Variants in SAP25 observed in about 807,000 individuals in gnomAD.
The protein encoded by SAP25 is Sin3A associated protein 25, also known as histone deacetylase complex subunit SAP25.
Under a neutral mutation model 31.5 loss-of-function variants are expected in SAP25, and 24 were observed. The observed-to-expected ratio is 0.76, with a 90% CI of 0.55 to 1.07. The LOEUF (loss-of-function observed/expected upper bound fraction) is 1.07, where lower values mean the gene tolerates loss of function less well. SAP25 is among the 50% of genes least tolerant of loss of function. The pLI, the probability that SAP25 is intolerant of heterozygous loss-of-function variation, is 0.00. For synonymous variants in SAP25, 180 were observed against 186.0 expected (o/e 0.97, Z 0.26); for missense variants, 377 against 418.8 (o/e 0.90, Z 0.87).
In SAP25 at chr7:100,572,716, A is replaced by C. The variant is rs755864582; in HGVS notation, c.547T>G (p.Ser183Ala). 2.0e-5 allele frequency: 30 copies of C among 1,535,688 alleles called. No individual in the cohort carries two copies. Among genetic ancestry groups the C allele is most frequent in the Non-Finnish European group, 2.4e-5 (28 of 1,146,488 alleles). ...PVVCCEDVFL[S>A]DPLLPRGQRV... ...TGCCCCCGGGGCAGCAGAGGGTCCG[A>C]GAGGAAGACATCTTCACAGCACACC... The change falls in exon 5 of 6, where the codon TCG (serine) becomes GCG (alanine). Residue 183 changes from serine to alanine, a missense_variant. Transcript: ENST00000622764. The surrounding 1 kb of genome is among the most constrained non-coding windows in gnomAD (Gnocchi z 4.1).
In SAP25 at chr7:100,572,452, A is replaced by G. The variant is rs760326909; in HGVS notation, c.729T>C (p.Ala243=). 5 of 1,414,628 alleles carry G rather than the reference A, an allele frequency of 3.5e-6. No individual in the cohort carries two copies. The highest frequency in any genetic ancestry group is 4.6e-6 in the Non-Finnish European group (5 of 1,087,306). The allele number at this position is 1,414,628 out of a possible 1,614,324, so 87.6% of individuals were successfully genotyped here. A position where few individuals can be genotyped will look rare whatever the true frequency, so the allele number is the denominator to read the frequency against. ...GGCTCATCTGCAGCAGGCCAGTGAG[A>G]GCGATCAGCTCCGGCCCGCTGAGCC... is the stretch of plus-strand genomic sequence containing the variant. The part of the protein sequence containing the change: ...TAWLSGPELI[A]LTGLLQMSQG... The change falls in exon 6 of 6, where the codon GCT becomes GCC. Residue 243 remains alanine, a synonymous_variant. Coordinates refer to ENST00000622764, the MANE Select transcript of SAP25 (RefSeq NM_001348680.2). This position sits in a 1 kb window ranked among gnomAD's most constrained non-coding sequence, Gnocchi z 4.1.
In SAP25 at chr7:100,572,874, G is replaced by A. The variant is rs138765930; in HGVS notation, c.497C>T (p.Ala166Val). The change falls in exon 4 of 6, where the codon GCG becomes GTG. Residue 166 changes from alanine (A) to valine (V), a missense_variant. Ala to Val is a moderately conservative substitution (Grantham distance 64). Coordinates refer to ENST00000622764, the MANE Select transcript of SAP25 (RefSeq NM_001348680.2). This position sits in a 1 kb window ranked among gnomAD's most constrained non-coding sequence, Gnocchi z 4.1. ...AAGGGAGGTACCTGCATCTGGGGGC[G>A]CCTGCTGTCCATTCCAGTGCCCTGT... ...PATGHWNGQQAPPDAGFPVVC... is the reference protein window; with the variant it reads ...PATGHWNGQQVPPDAGFPVVC... 4.7e-4 allele frequency: 694 copies of A among 1,463,202 alleles called. 3 individuals are homozygous for A. In the African/African-American group the frequency reaches 6.5e-3, roughly 14 times the overall value. The allele number at this position is 1,463,202 out of a possible 1,614,324, so 90.6% of individuals were successfully genotyped here.
chr7:100,572,963 G>A lies in SAP25; in HGVS notation c.408C>T (p.His136=). The A allele has an allele frequency of 3.3e-6, 5 of 1,510,740 alleles. No homozygotes were observed. The Admixed American group carries it at 6.3e-5, about 19-fold the overall frequency. The allele number at this position is 1,510,740 out of a possible 1,614,324, so 93.6% of individuals were successfully genotyped here. A position where few individuals can be genotyped will look rare whatever the true frequency, so the allele number is the denominator to read the frequency against. ...GASFSGRTLC[H]PSFWPLYEAA... The stretch of plus-strand genomic sequence containing the variant: ...CTTCATACAGCGGCCAGAATGAGGG[G>A]TGACACAGCGTCCGGCCTGAGAACG... The change falls in exon 4 of 6, where the codon CAC becomes CAT. Residue 136 remains histidine (H), a synonymous_variant. Coordinates refer to ENST00000622764, the MANE Select transcript of SAP25 (RefSeq NM_001348680.2). This position sits in a 1 kb window ranked among gnomAD's most constrained non-coding sequence, Gnocchi z 4.1.
At position 100,573,776 on chromosome 7, in the gene SAP25, G is replaced by T. The variant is rs1801233543; in HGVS notation, c.-34C>A. 1 of 1,188,852 alleles carries T rather than the reference G, an allele frequency of 8.4e-7. No individual in the cohort carries two copies. Among genetic ancestry groups the T allele is most frequent in the Non-Finnish European group, 1.0e-6 (1 of 960,608 alleles). The allele number at this position is 1,188,852 out of a possible 1,614,324, so 73.6% of individuals were successfully genotyped here. ...CCCGAGCGCAGGACGGTACCGCCGT[G>T]TCCCCGCCGCCCGGCCCGGCCCTCT... On this transcript the variant is annotated 5_prime_UTR_variant, in exon 1 of 6. Coordinates refer to ENST00000622764, the MANE Select transcript of SAP25 (RefSeq NM_001348680.2).
chr7:100,573,777 T>A lies in SAP25; in HGVS notation c.-35A>T. ...CCGAGCGCAGGACGGTACCGCCGTG[T>A]CCCCGCCGCCCGGCCCGGCCCTCTC... On this transcript the variant is annotated 5_prime_UTR_variant, in exon 1 of 6. Transcript: ENST00000622764. The A allele has an allele frequency of 8.4e-7, 1 of 1,187,742 alleles. No individual in the cohort carries two copies. Among genetic ancestry groups the A allele is most frequent in the African/African-American group, 1.6e-5 (1 of 62,426 alleles). 73.6% of individuals were successfully genotyped at this position (1,187,742 alleles called of 1,614,324 possible).
At position 100,573,332 on chromosome 7, in the gene SAP25, G is replaced by C; in HGVS notation, c.215C>G (p.Pro72Arg). 1 of 1,394,614 alleles carries C rather than the reference G, an allele frequency of 7.2e-7. No homozygotes were observed. Among genetic ancestry groups the C allele is most frequent in the Non-Finnish European group, 9.3e-7 (1 of 1,074,360 alleles). The allele number at this position is 1,394,614 out of a possible 1,614,324, so 86.4% of individuals were successfully genotyped here. Residue 72 changes from proline to arginine, a missense_variant, in exon 2 of 6, where the codon CCA becomes CGA. Pro to Arg is a moderately radical substitution (Grantham distance 103, BLOSUM62 -2). Transcript: ENST00000622764. ...REQLLLPHHL[P>R]GPATEQPPGA... is the part of the protein sequence containing the mutation. ...GGGGGGCTGCTCAGTGGCCGGGCCT[G>C]GCAGGTGGTGGGGCAGCAGCAGCTG...
At position 100,572,825 on chromosome 7, in the gene SAP25, G is replaced by A; in HGVS notation, c.511+35C>T. On this transcript the variant is annotated intron_variant, in intron 4 of 5. Coordinates refer to ENST00000622764, the MANE Select transcript of SAP25 (RefSeq NM_001348680.2). The surrounding 1 kb of genome is among the most constrained non-coding windows in gnomAD (Gnocchi z 4.1). ...GGCACTGGTTCCCAGAGGAGTTGGG[G>A]CAGCCTTGCGCCCCCGGGGGACCAA... 3 of 1,489,572 alleles carry A rather than the reference G, an allele frequency of 2.0e-6. No homozygotes were observed. Among genetic ancestry groups the A allele is most frequent in the South Asian group, 2.5e-5 (2 of 78,876 alleles). The allele number at this position is 1,489,572 out of a possible 1,614,324, so 92.3% of individuals were successfully genotyped here.
At position 100,573,167 on chromosome 7, in the gene SAP25, A is replaced by G. The variant is rs1198072316; in HGVS notation, c.296T>C (p.Met99Thr). The change falls in exon 3 of 6, where the codon ATG becomes ACG. Residue 99 changes from methionine to threonine, a missense_variant. Coordinates refer to ENST00000622764, the MANE Select transcript of SAP25 (RefSeq NM_001348680.2). Reference sequence around the variant, plus strand: ...GGGGTCCCAGGGCGCTAGTGGAGTCATCCTCGAGGGGGCCACCTCCCAGGC... The same window carrying G: ...GGGGTCCCAGGGCGCTAGTGGAGTCGTCCTCGAGGGGGCCACCTCCCAGGC... ...QVAWEVAPSR[M>T]TPLAPWDPKY... 6.5e-7 allele frequency: 1 copy of G among 1,534,532 alleles called. No individual in the cohort carries two copies. Among genetic ancestry groups the G allele is most frequent in the Non-Finnish European group, 8.7e-7 (1 of 1,145,670 alleles).
chr7:100,573,530 G>A (rs1801217135), intron 1 of SAP25, 67 bp downstream of exon 1: 2 of 1,226,836 alleles, frequency 1.6e-6, no homozygotes, highest in Admixed American at 4.0e-5. Flanking sequence ...AGCCTCCGTA[G>A]AGCGCGTGGT....
Position 100,573,792 on chromosome 7 carries a change from C to A in SAP25, c.-50G>T, listed in dbSNP as rs1801234352. ...TACCGCCGTGTCCCCGCCGCCCGGCCCGGCCCTCTCAGCCTCCCTCCGCGG... is the reference window on the plus strand; with the variant it reads ...TACCGCCGTGTCCCCGCCGCCCGGCACGGCCCTCTCAGCCTCCCTCCGCGG... On this transcript the variant is annotated 5_prime_UTR_variant, in exon 1 of 6. Transcript: ENST00000622764. 3 of 1,173,918 alleles carry A rather than the reference C, an allele frequency of 2.6e-6. No individual in the cohort carries two copies. The highest frequency in any genetic ancestry group is 3.2e-6 in the Non-Finnish European group (3 of 950,942). 72.7% of individuals were successfully genotyped at this position (1,173,918 alleles called of 1,614,324 possible). A position where few individuals can be genotyped will look rare whatever the true frequency, so the allele number is the denominator to read the frequency against.
In SAP25 at chr7:100,573,341, T is replaced by G; in HGVS notation, c.206A>C (p.His69Pro). ...WIWREQLLLP[H>P]HLPGPATEQP... ...CTCAGTGGCCGGGCCTGGCAGGTGG[T>G]GGGGCAGCAGCAGCTGCTCTCTCCA... The change falls in exon 2 of 6, where the codon CAC becomes CCC. Residue 69 changes from histidine (H) to proline (P), a missense_variant. By Grantham distance (77) the His-to-Pro change is moderately conservative. Transcript: ENST00000622764. 2.9e-6 allele frequency: 4 copies of G among 1,384,812 alleles called. No individual in the cohort carries two copies. Among genetic ancestry groups the G allele is most frequent in the Non-Finnish European group, 2.8e-6 (3 of 1,068,938 alleles). The allele number at this position is 1,384,812 out of a possible 1,614,324, so 85.8% of individuals were successfully genotyped here. A position where few individuals can be genotyped will look rare whatever the true frequency, so the allele number is the denominator to read the frequency against.
rs1311547367 is a variant in SAP25, at chr7:100,573,217, G to A, written c.251-5C>T. The stretch of plus-strand genomic sequence containing the variant: ...CCACCTGGGGGGAACGGGGATCTGG[G>A]GGGACGCTTGGGGATTATAACAGGC... On this transcript the variant is annotated splice_polypyrimidine_tract_variant and splice_region_variant and intron_variant, in intron 2 of 5. Transcript: ENST00000622764. The A allele has an allele frequency of 1.4e-6, 2 of 1,472,656 alleles. No individual in the cohort carries two copies. The highest frequency in any genetic ancestry group is 2.5e-5 in the South Asian group (2 of 79,954). 91.2% of individuals were successfully genotyped at this position (1,472,656 alleles called of 1,614,324 possible).
rs1197938744 is a variant in SAP25 at position 100,573,641 on chromosome 7, G to A, written c.102C>T (p.Ala34=). Residue 34 remains alanine, a synonymous_variant, in exon 1 of 6, where the codon GCC becomes GCT. Coordinates refer to ENST00000622764, the MANE Select transcript of SAP25 (RefSeq NM_001348680.2). ...CCAGCTCCCTGGGGGCGTCCGCTCC[G>A]GCGCTCCAGGGCTCGCCCTGGTCCT... ...AGKDQGEPWS[A]GADAPRELGT... The A allele has an allele frequency of 3.2e-6, 4 of 1,231,144 alleles. No individual in the cohort carries two copies. Among genetic ancestry groups the A allele is most frequent in the African/African-American group, 3.1e-5 (2 of 64,342 alleles). The allele number at this position is 1,231,144 out of a possible 1,614,324, so 76.3% of individuals were successfully genotyped here.
rs1165035522 is a variant in SAP25, at chr7:100,573,629, GGCGTCCGC to G, written c.106_113del (p.Ala36ProfsTer18). 1.5e-5 allele frequency: 19 copies of G among 1,231,482 alleles called. No homozygotes were observed. The highest frequency in any genetic ancestry group is 1.8e-5 in the Non-Finnish European group (18 of 987,872). 76.3% of individuals were successfully genotyped at this position (1,231,482 alleles called of 1,614,324 possible). A position where few individuals can be genotyped will look rare whatever the true frequency, so the allele number is the denominator to read the frequency against. ...ATGGGGGTGTCCCCAGCTCCCTGGG[GGCGTCCGC>G]TCCGGCGCTCCAGGGCTCGCCCTGG... On this transcript the variant is annotated frameshift_variant, in exon 1 of 6. Coordinates refer to ENST00000622764, the MANE Select transcript of SAP25 (RefSeq NM_001348680.2). LOFTEE classifies it high-confidence loss of function.
In SAP25 at chr7:100,572,292, G is replaced by C; in HGVS notation, c.889C>G (p.Pro297Ala). Residue 297 changes from proline (P) to alanine (A), a missense_variant, in exon 6 of 6, where the codon CCA becomes GCA. By Grantham distance (27) the Pro-to-Ala change is conservative. Transcript: ENST00000622764. The surrounding 1 kb of genome is among the most constrained non-coding windows in gnomAD (Gnocchi z 4.1). ...SLPQTPDTHC[P>A] is the part of the protein sequence containing the mutation. ...CCCACTCTGCCCTGAGAAGGCTATG[G>C]ACAATGGGTGTCTGGGGTCTGTGGG... 1.5e-6 allele frequency: 2 copies of C among 1,316,094 alleles called. No individual in the cohort carries two copies. The highest frequency in any genetic ancestry group is 1.9e-6 in the Non-Finnish European group (2 of 1,035,258). 81.5% of individuals were successfully genotyped at this position (1,316,094 alleles called of 1,614,324 possible). A position where few individuals can be genotyped will look rare whatever the true frequency, so the allele number is the denominator to read the frequency against.
Position 100,572,278 on chromosome 7 carries a change from C to G in SAP25, c.*9G>C, listed in dbSNP as rs535794311. Reference sequence around the variant, plus strand: ...GTCAACACAACCAGCCCACTCTGCCCTGAGAAGGCTATGGACAATGGGTGT... The same window carrying G: ...GTCAACACAACCAGCCCACTCTGCCGTGAGAAGGCTATGGACAATGGGTGT... On this transcript the variant is annotated 3_prime_UTR_variant, in exon 6 of 6. Transcript: ENST00000622764. This position sits in a 1 kb window ranked among gnomAD's most constrained non-coding sequence, Gnocchi z 4.1. 1 of 1,286,268 alleles carries G rather than the reference C, an allele frequency of 7.8e-7. No individual in the cohort carries two copies. The highest frequency in any genetic ancestry group is 1.5e-5 in the African/African-American group (1 of 65,216). The allele number at this position is 1,286,268 out of a possible 1,614,324, so 79.7% of individuals were successfully genotyped here.
Position 100,572,280 on chromosome 7 carries a change from G to A in SAP25, c.*7C>T. 3 of 1,287,444 alleles carry A rather than the reference G, an allele frequency of 2.3e-6. No homozygotes were observed. The highest frequency in any genetic ancestry group is 2.9e-6 in the Non-Finnish European group (3 of 1,018,962). The allele number at this position is 1,287,444 out of a possible 1,614,324, so 79.8% of individuals were successfully genotyped here. A position where few individuals can be genotyped will look rare whatever the true frequency, so the allele number is the denominator to read the frequency against. On this transcript the variant is annotated 3_prime_UTR_variant, in exon 6 of 6. Transcript: ENST00000622764. The surrounding 1 kb of genome is among the most constrained non-coding windows in gnomAD (Gnocchi z 4.1). ...CAACACAACCAGCCCACTCTGCCCTGAGAAGGCTATGGACAATGGGTGTCT... is the reference window on the plus strand; with the variant it reads ...CAACACAACCAGCCCACTCTGCCCTAAGAAGGCTATGGACAATGGGTGTCT...
Position 100,572,569 on chromosome 7 carries a change from C to A in SAP25, c.612G>T (p.Met204Ile). ...PLYLSKAPQQ[M>I]MGSLKLLPPP... ...GCGGCAGCAGTTTCAGGGAGCCCAT[C>A]ATCTGAGGAGAGAGAATGGAATGTG... The change falls in exon 6 of 6, where the codon ATG becomes ATT. Residue 204 changes from methionine to isoleucine, a missense_variant and splice_region_variant. By Grantham distance (10) the Met-to-Ile change is conservative. Coordinates refer to ENST00000622764, the MANE Select transcript of SAP25 (RefSeq NM_001348680.2). The surrounding 1 kb of genome is among the most constrained non-coding windows in gnomAD (Gnocchi z 4.1). The A allele has an allele frequency of 6.9e-7, 1 of 1,456,598 alleles. No homozygotes were observed. The highest frequency in any genetic ancestry group is 1.4e-5 in the African/African-American group (1 of 69,916). The allele number at this position is 1,456,598 out of a possible 1,614,324, so 90.2% of individuals were successfully genotyped here.
intron 1 of SAP25, 35 bp from the exon 2 acceptor site, chr7:100,573,435 G>T (rs1000014443): frequency 8.0e-7 from 1 of 1,253,710 alleles, no homozygotes; most frequent in Admixed American, 3.3e-5. Context: ...CAGCCACACC[G>T]CCCCCACGCA....
Sources: gnomAD v4.1 joint callset for allele counts on GRCh38, gnomAD v4.1.1 for gene constraint, Gnocchi (gnomAD v3.1) non-coding constraint, MANE v1.5 for transcripts, NCBI Gene and HGNC (gene_info 2026-07-23, HGNC 2026-07-21) for gene names.